The following ELAPOR2 variants were observed in gnomAD, a reference collection of about 807,000 sequenced individuals.
The protein encoded by ELAPOR2 is endosome-lysosome associated apoptosis and autophagy regulator family member 2, also known as endosome/lysosome-associated apoptosis and autophagy regulator family member 2.
In ELAPOR2, 89 loss-of-function variants were observed where a neutral mutation model predicts 120.7. The observed-to-expected ratio is 0.74, with a 90% CI of 0.62 to 0.88. The LOEUF is 0.88. ELAPOR2 is among the 40% of genes least tolerant of loss of function. ELAPOR2 has a pLI of 0.00. For missense variants in ELAPOR2, 1,134 were observed against 1,251.6 expected, an observed-to-expected ratio of 0.91 and a Z score of 1.42; for synonymous variants, 444 against 444.9, an observed-to-expected ratio of 1.00 and a Z score of 0.03.
chr7:87,052,297 G>A (rs543566536), intron 1 of ELAPOR2, among the ~76,000 whole-genome samples: 4 of 152,290 alleles, frequency 2.6e-5, no homozygotes, highest in East Asian at 1.9e-4. Flanking sequence ...CTCACATGGC[G>A]GCAGACAAGA....
At position 86,908,541 on chromosome 7, in the gene ELAPOR2, C is replaced by T; in HGVS notation, c.2362G>A (p.Val788Ile). ...SIILADTFIG[V>I]TVETTLKNIN... ...TTTTTCAATGTGGTTTCAACTGTGA[C>T]TCCTAGATGACATTTAAAAAGAAAC... is the stretch of plus-strand genomic sequence containing the variant. Residue 788 changes from valine (V) to isoleucine (I), a missense_variant and splice_region_variant, in exon 17 of 22, where the codon GTC becomes ATC. Transcript: ENST00000450689. 6.9e-7 allele frequency: 1 copy of T among 1,450,064 alleles called. No individual in the cohort carries two copies. Among genetic ancestry groups the T allele is most frequent in the Non-Finnish European group, 9.4e-7 (1 of 1,058,306 alleles). 89.8% of individuals were successfully genotyped at this position (1,450,064 alleles called of 1,614,324 possible). A position where few individuals can be genotyped will look rare whatever the true frequency, so the allele number is the denominator to read the frequency against.
chr7:86,938,022 C>T, intron 8 of ELAPOR2, 104 bp downstream of exon 8: 1 of 830,832 alleles, frequency 1.2e-6, no homozygotes, highest in African/African-American at 1.7e-5. Context: ...TTTACACTTA[C>T]ATACGTGTGT....
chr7:86,938,852 C>T lies in ELAPOR2; in HGVS notation c.956G>A (p.Gly319Glu), dbSNP rs2116326784. The T allele has an allele frequency of 6.2e-7, 1 of 1,613,330 alleles. No individual in the cohort carries two copies. The highest frequency in any genetic ancestry group is 8.5e-7 in the Non-Finnish European group (1 of 1,179,490). The change falls in exon 7 of 22, where the codon GGA (glycine) becomes GAA (glutamate). Residue 319 changes from glycine (G) to glutamate (E), a missense_variant. Transcript: ENST00000450689. ...TTTACACCTTATACATTCTTTGGCTCCTTTCTCAGAATAGGTGTTTCTGGG... is the reference window on the plus strand; with the variant it reads ...TTTACACCTTATACATTCTTTGGCTTCTTTCTCAGAATAGGTGTTTCTGGG... ...VCPRNTYSEK[G>E]AKECIRCKDD... is the part of the protein sequence containing the mutation.
chr7:87,037,387 T>G lies in ELAPOR2; in HGVS notation c.189+21938A>C, dbSNP rs112890032. Among the ~76,000 whole-genome samples the G allele has an allele frequency of 5.4e-3, 814 of 152,062 alleles. 12 individuals are homozygous for G. Among genetic ancestry groups the G allele is most frequent in the African/African-American group, 0.019 (782 of 41,460 alleles). ...CTCCTCCTTTTCCTTCTCTCAATTT[T>G]TTTATCTCAATAAAAGACAGCAGCA... On this transcript the variant is annotated intron_variant, in intron 1 of 21. Coordinates refer to ENST00000450689, the MANE Select transcript of ELAPOR2 (RefSeq NM_001142749.3).
intron 1 of ELAPOR2, among the ~76,000 whole-genome samples, chr7:86,987,993 T>C (rs536681734): frequency 6.6e-6 from 1 of 152,268 alleles, no homozygotes; most frequent in East Asian, 1.9e-4. Context: ...GTGGCACATA[T>C]ACACCATGGA....
chr7:87,005,810 A>G (rs1297335415), intron 1 of ELAPOR2, among the ~76,000 whole-genome samples: 1 of 152,218 alleles, frequency 6.6e-6, no homozygotes, highest in African/African-American at 2.4e-5. Flanking sequence ...AGTTAAAACT[A>G]TAAACATTTT....
chr7:86,931,108 T>C (rs1340395113), intron 8 of ELAPOR2, among the ~76,000 whole-genome samples: 1 of 151,956 alleles, frequency 6.6e-6, no homozygotes, highest in Non-Finnish European at 1.5e-5. Flanking sequence ...TGACTAGCTA[T>C]GATCATGGGG....
intron 14 of ELAPOR2, 42 bp from the exon 15 acceptor site, chr7:86,912,287 T>C (rs1164280946): frequency 3.1e-6 from 4 of 1,309,174 alleles, no homozygotes; most frequent in African/African-American, 1.5e-5. Context: ...GGAAAGAAAA[T>C]ATTAGCTGCT....
intron 1 of ELAPOR2, among the ~76,000 whole-genome samples, chr7:86,981,979 C>G (rs533439245): frequency 9.2e-5 from 14 of 152,374 alleles, no homozygotes; most frequent in African/African-American, 3.4e-4. Context: ...TCCCAATGGT[C>G]TTAGCAAACG....
intron 9 of ELAPOR2, 47 bp from the exon 10 acceptor site, chr7:86,925,703 G>C: frequency 6.4e-7 from 1 of 1,565,532 alleles, no homozygotes; most frequent in Non-Finnish European, 8.8e-7. Flanking sequence ...ACTGCATATG[G>C]ACAACTTCTA....
At chr7:86,967,084 TC>T (rs1791935889) in intron 1 of ELAPOR2, among the ~76,000 whole-genome samples, 1 of 152,160 alleles carries the variant, frequency 6.6e-6, no homozygotes, top group African/African-American at 2.4e-5. Flanking sequence ...TACCACACCC[TC>T]CCATGGTAGA....
intron 2 of ELAPOR2, among the ~76,000 whole-genome samples, chr7:86,959,732 G>T (rs373061747): frequency 2.0e-4 from 31 of 152,124 alleles, no homozygotes; most frequent in African/African-American, 7.5e-4. Context: ...GCTGTATTTT[G>T]CTCTAATCTT....
intron 1 of ELAPOR2, among the ~76,000 whole-genome samples, chr7:87,049,198 C>T (rs569504725): frequency 3.0e-4 from 46 of 152,166 alleles, no homozygotes; most frequent in Admixed American, 1.0e-3. Flanking sequence ...TTAAAATATA[C>T]ATTATTATGG....
intron 1 of ELAPOR2, among the ~76,000 whole-genome samples, chr7:87,035,124 T>C (rs1363460353): frequency 6.6e-6 from 1 of 151,736 alleles, no homozygotes; most frequent in African/African-American, 2.4e-5. Flanking sequence ...TAGCTACGAC[T>C]AATGCATCAA....
intron 8 of ELAPOR2, among the ~76,000 whole-genome samples, chr7:86,937,574 T>C (rs886627240): frequency 3.3e-5 from 5 of 152,116 alleles, no homozygotes; most frequent in Non-Finnish European, 7.4e-5. Context: ...GGTACTTACT[T>C]GCATTTTCTC....
At chr7:86,885,604 C>T (rs186840877) in intron 21 of ELAPOR2, among the ~76,000 whole-genome samples, 1 of 152,238 alleles carries the variant, frequency 6.6e-6, no homozygotes, top group Non-Finnish European at 1.5e-5. Flanking sequence ...AATACACACC[C>T]ATCTGAATCT....
intron 13 of ELAPOR2, among the ~76,000 whole-genome samples, chr7:86,913,989 G>A (rs1417945262): frequency 1.3e-5 from 2 of 152,106 alleles, no homozygotes; most frequent in East Asian, 3.9e-4. Context: ...ACCTTCATAA[G>A]GAATAACTGG....
chr7:86,899,329 G>C (rs937987330), intron 18 of ELAPOR2, among the ~76,000 whole-genome samples: 1 of 152,114 alleles, frequency 6.6e-6, no homozygotes, highest in Non-Finnish European at 1.5e-5. Flanking sequence ...ATTAAAACTA[G>C]AGGAATTTAA....
intron 21 of ELAPOR2, among the ~76,000 whole-genome samples, chr7:86,885,325 AATG>A (rs1309504149): frequency 6.6e-6 from 1 of 152,188 alleles, no homozygotes; most frequent in South Asian, 2.1e-4. Flanking sequence ...AGCTCAAATA[AATG>A]ATGTCAGTAA....
Sources: gnomAD v4.1 joint callset for allele counts (sites outside exome capture counted in the v4.1 genomes callset) on GRCh38, gnomAD v4.1.1 for gene constraint, MANE v1.5 for transcripts, NCBI Gene and HGNC (gene_info 2026-07-23, HGNC 2026-07-21) for gene names.